Variants in MBD5 observed in about 807,000 individuals in gnomAD.
MBD5 encodes methyl-CpG-binding domain protein 5.
MBD5 carries 13 observed loss-of-function variants against 117.3 expected under a neutral mutation model. The ratio of observed to expected loss-of-function variants is 0.11; its 90% CI spans 0.07 to 0.18. The LOEUF (loss-of-function observed/expected upper bound fraction) is 0.18, where lower values mean the gene tolerates loss of function less well. Ranked by LOEUF, MBD5 falls within the 10% of genes least tolerant of loss-of-function variation. MBD5 has a pLI of 1.00. For synonymous variants in MBD5, 727 were observed against 766.4 expected (o/e 0.95, Z 0.85); for missense variants, 1,879 against 2,093.8 (o/e 0.90, Z 2.00).
At chr2:148,335,694 A>G (rs1362832372) in intron 3 of MBD5, among the ~76,000 whole-genome samples, 4 of 152,122 alleles carry the variant, frequency 2.6e-5, no homozygotes, top group East Asian at 1.9e-4. Flanking sequence ...TCTCCAGGCT[A>G]GGTGACAGAG....
rs539832904 is a variant in MBD5, at chr2:148,483,017, A to C, written c.2519-93A>C. 6.3e-6 allele frequency: 9 copies of C among 1,424,884 alleles called. No individual in the cohort carries two copies. The African/African-American group carries it at 1.0e-4, about 16-fold the overall frequency. 88.3% of individuals were successfully genotyped at this position (1,424,884 alleles called of 1,614,324 possible). A position where few individuals can be genotyped will look rare whatever the true frequency, so the allele number is the denominator to read the frequency against. The stretch of plus-strand genomic sequence containing the variant: ...AATGAAGGTGCCATGGAACAAATAA[A>C]TTTAAATTTATGTTAATGCATTTTT... On this transcript the variant is annotated intron_variant, in intron 8 of 13. Coordinates refer to ENST00000642680, the MANE Select transcript of MBD5 (RefSeq NM_001378120.1).
chr2:148,399,072 G>A (rs1704830710), intron 4 of MBD5, among the ~76,000 whole-genome samples: 1 of 152,176 alleles, frequency 6.6e-6, no homozygotes, highest in African/African-American at 2.4e-5. Flanking sequence ...AATATAGTTT[G>A]AAGTCAGGTA....
chr2:148,226,508 A>C (rs1699824806), intron 2 of MBD5, among the ~76,000 whole-genome samples: 2 of 152,082 alleles, frequency 1.3e-5, no homozygotes, highest in Admixed American at 1.3e-4. Flanking sequence ...AATCCAGTCT[A>C]CCATTGTTGG....
At chr2:148,045,974 C>CTTTTTTTT (rs59672002) in intron 1 of MBD5, among the ~76,000 whole-genome samples, 1 of 77,482 alleles carries the variant, frequency 1.3e-5, no homozygotes, top group Non-Finnish European at 2.4e-5. Context: ...AATGAAGTGC[C>CTTTTTTTT]TTTTTTTTTT....
chr2:148,302,217 G>C (rs572599674), intron 3 of MBD5, among the ~76,000 whole-genome samples: 4 of 152,320 alleles, frequency 2.6e-5, no homozygotes, highest in Admixed American at 2.6e-4. Context: ...ATGAAGAATA[G>C]ATTGGAGGTG....
At chr2:148,222,862 A>G (rs548359641) in intron 2 of MBD5, among the ~76,000 whole-genome samples, 1 of 152,156 alleles carries the variant, frequency 6.6e-6, no homozygotes, top group South Asian at 2.1e-4. Context: ...ATCTTATACA[A>G]AAGGCTTTTA....
At chr2:148,220,623 G>A (rs1035837970) in intron 2 of MBD5, among the ~76,000 whole-genome samples, 1 of 151,984 alleles carries the variant, frequency 6.6e-6, no homozygotes, top group Non-Finnish European at 1.5e-5. Context: ...TTTAATTTTT[G>A]TGGGTACCTA....
At chr2:148,303,089 T>C (rs952681910) in intron 3 of MBD5, among the ~76,000 whole-genome samples, 4 of 152,036 alleles carry the variant, frequency 2.6e-5, no homozygotes, top group Admixed American at 6.6e-5. Flanking sequence ...GATTGCCAGA[T>C]TGCTAATGGC....
chr2:148,301,018 A>G (rs140853451), intron 3 of MBD5, among the ~76,000 whole-genome samples: 1 of 152,326 alleles, frequency 6.6e-6, no homozygotes, highest in African/African-American at 2.4e-5. Flanking sequence ...GGTGTTTCCT[A>G]TCCTTTGATA....
chr2:148,511,868 C>G (rs1004428190), intron 13 of MBD5, among the ~76,000 whole-genome samples: 1 of 152,162 alleles, frequency 6.6e-6, no homozygotes, highest in African/African-American at 2.4e-5. Context: ...GTCTGGATAG[C>G]ATTGCCCTTT....
chr2:148,158,499 C>G (rs1697924829), intron 1 of MBD5, among the ~76,000 whole-genome samples: 1 of 152,162 alleles, frequency 6.6e-6, no homozygotes, highest in African/African-American at 2.4e-5. Context: ...GAGCCTAAAC[C>G]TTCGTGGTAC....
At chr2:148,188,147 A>G (rs1011345277) in intron 2 of MBD5, among the ~76,000 whole-genome samples, 3 of 152,220 alleles carry the variant, frequency 2.0e-5, no homozygotes, top group Non-Finnish European at 4.4e-5. Context: ...TTTTTGGATT[A>G]GGGATTCTCA....
chr2:148,413,709 T>C (rs1007691062), intron 4 of MBD5, among the ~76,000 whole-genome samples: 1 of 151,956 alleles, frequency 6.6e-6, no homozygotes, highest in African/African-American at 2.4e-5. Context: ...GGAGGTTCTT[T>C]GTTTCAAGAA....
chr2:148,500,153 T>G (rs2105210149), intron 11 of MBD5, among the ~76,000 whole-genome samples: 1 of 152,126 alleles, frequency 6.6e-6, no homozygotes, highest in Admixed American at 6.5e-5. Flanking sequence ...CCCTGGAAAA[T>G]TATTCAAGCA....
chr2:148,457,003 A>T (rs73968630), intron 4 of MBD5, among the ~76,000 whole-genome samples: 4,674 of 152,252 alleles, frequency 0.031, 236 homozygotes, highest in African/African-American at 0.11. Flanking sequence ...TTAAGTAGTT[A>T]TGTGTCTATT....
chr2:148,323,247 G>T (rs549035428), intron 3 of MBD5, among the ~76,000 whole-genome samples: 1 of 152,228 alleles, frequency 6.6e-6, no homozygotes, highest in African/African-American at 2.4e-5. Context: ...GACTATGATT[G>T]TTGGACATTT....
At chr2:148,370,575 G>C (rs1397972299) in intron 4 of MBD5, among the ~76,000 whole-genome samples, 1 of 152,034 alleles carries the variant, frequency 6.6e-6, no homozygotes, top group Non-Finnish European at 1.5e-5. Context: ...TGCAACCTCT[G>C]CCCACTGGGC....
intron 11 of MBD5, among the ~76,000 whole-genome samples, chr2:148,499,301 A>G (rs1260181945): frequency 6.6e-6 from 1 of 151,966 alleles, no homozygotes; most frequent in Non-Finnish European, 1.5e-5. Context: ...AGACCCTGTT[A>G]AAAAAAATTA....
chr2:148,426,547 G>A (rs1022628903), intron 4 of MBD5, among the ~76,000 whole-genome samples: 1 of 152,012 alleles, frequency 6.6e-6, no homozygotes, highest in African/African-American at 2.4e-5. Context: ...AATAAGAAAT[G>A]GGGAAAGGAT....
Sources: allele counts gnomAD v4.1 joint callset (sites outside exome capture counted in the v4.1 genomes callset), GRCh38; gene constraint gnomAD v4.1.1; transcripts MANE v1.5; gene names NCBI Gene and HGNC (gene_info 2026-07-23, HGNC 2026-07-21).